Variants in STK40 observed in about 807,000 individuals in gnomAD.
The protein encoded by STK40 is serine/threonine kinase 40.
STK40 carries 13 observed loss-of-function variants against 47.9 expected under a neutral mutation model. That is an observed-to-expected ratio of 0.27 (90% CI 0.18 to 0.43). STK40 has a LOEUF of 0.43. STK40 is among the 20% of genes least tolerant of loss of function. STK40 has a pLI of 1.00. For synonymous variants in STK40, 225 were observed against 243.2 expected, an observed-to-expected ratio of 0.93 and a Z score of 0.69; for missense variants, 460 against 595.1, an observed-to-expected ratio of 0.77 and a Z score of 2.36.
intron 3 of STK40, 126 bp from the exon 4 acceptor site, chr1:36,358,508 C>T (rs2124736946): frequency 7.4e-7 from 1 of 1,349,206 alleles, no homozygotes; most frequent in Admixed American, 2.4e-5. Context: ...CACACAAACA[C>T]ACCAAGTGAA....
chr1:36,370,997 C>T (rs1646941284), intron 1 of STK40, among the ~76,000 whole-genome samples: 1 of 151,748 alleles, frequency 6.6e-6, no homozygotes, highest in South Asian at 2.1e-4. Context: ...ATGCCCCAGG[C>T]TCCTGAGTAG....
At chr1:36,344,095 C>T (rs750122460) in intron 8 of STK40, 25 bp downstream of exon 8, 39 of 1,585,874 alleles carry the variant, frequency 2.5e-5, no homozygotes, top group Non-Finnish European at 2.9e-5. Context: ...GCTGCCCCCC[C>T]CACCCCCCGG....
intron 5 of STK40, among the ~76,000 whole-genome samples, chr1:36,354,803 C>T (rs758762059): frequency 1.2e-4 from 18 of 152,112 alleles, no homozygotes; most frequent in African/African-American, 2.9e-4. Flanking sequence ...CCCACAGAAG[C>T]GGCACACCGG....
chr1:36,343,799 T>C, intron 9 of STK40, 61 bp downstream of exon 9: 1 of 1,516,484 alleles, frequency 6.6e-7, no homozygotes, highest in Non-Finnish European at 8.8e-7. Flanking sequence ...CTTTTCTGGG[T>C]AGGATGGGCA....
chr1:36,375,374 G>A (rs189639841), intron 1 of STK40, among the ~76,000 whole-genome samples: 97 of 152,154 alleles, frequency 6.4e-4, no homozygotes, highest in African/African-American at 2.2e-3. Context: ...GGGCATGGTG[G>A]TGGGTGCCTA....
At chr1:36,350,354 G>A (rs956974789) in intron 6 of STK40, among the ~76,000 whole-genome samples, 1 of 152,192 alleles carries the variant, frequency 6.6e-6, no homozygotes, top group Non-Finnish European at 1.5e-5. Context: ...CAGAGGCACT[G>A]TGGGTTTTCT....
intron 3 of STK40, 107 bp downstream of exon 3, chr1:36,358,630 C>A: frequency 7.8e-7 from 1 of 1,287,746 alleles, no homozygotes. Flanking sequence ...GAAGAAATGG[C>A]GCTACTCTTG....
intron 7 of STK40, 82 bp from the exon 8 acceptor site, chr1:36,344,346 C>A: frequency 6.7e-7 from 1 of 1,484,560 alleles, no homozygotes; most frequent in Middle Eastern, 2.3e-4. Context: ...CTGGGACCCT[C>A]CACCTGCCAC....
chr1:36,345,355 C>T (rs1646690381), intron 7 of STK40, among the ~76,000 whole-genome samples: 1 of 152,266 alleles, frequency 6.6e-6, no homozygotes, highest in South Asian at 2.1e-4. Flanking sequence ...AGTGCCATTA[C>T]AGGCCTCAGC....
At chr1:36,347,326 G>A (rs546022203) in intron 7 of STK40, among the ~76,000 whole-genome samples, 27 of 152,276 alleles carry the variant, frequency 1.8e-4, no homozygotes, top group South Asian at 8.3e-4. Context: ...TGTAAGCCCC[G>A]GTTCCCTAAA....
At position 36,341,983 on chromosome 1, in the gene STK40, G is replaced by A. The variant is rs756435731; in HGVS notation, c.1090-10C>T. ...CCTCCGTCACCTTCGCCTTTGAGGCGGGGAGGGTGGGAAGGAGACAAAGAT... is the reference window on the plus strand; with the variant it reads ...CCTCCGTCACCTTCGCCTTTGAGGCAGGGAGGGTGGGAAGGAGACAAAGAT... On this transcript the variant is annotated splice_polypyrimidine_tract_variant and intron_variant, in intron 10 of 10. Transcript: ENST00000373132. 29 of 1,606,064 alleles carry A rather than the reference G, an allele frequency of 1.8e-5. No individual in the cohort carries two copies. The highest frequency in any genetic ancestry group is 6.8e-5 in the Admixed American group (4 of 58,724).
rs757016125 is a variant in STK40, at chr1:36,343,984, G to A, written c.885-5C>T. 3.1e-6 allele frequency: 5 copies of A among 1,601,684 alleles called. No individual in the cohort carries two copies. The Admixed American group carries it at 8.5e-5, about 27-fold the overall frequency. On this transcript the variant is annotated splice_region_variant and splice_polypyrimidine_tract_variant and intron_variant, in intron 8 of 10. Coordinates refer to ENST00000373132, the MANE Select transcript of STK40 (RefSeq NM_001282547.2). ...TTCTCAGAAACCCGTCCATCCCTGA[G>A]GCAGGGAGTTGGGGAGGAGGGCTCA...
rs1023094782 is a variant in STK40 at position 36,344,323 on chromosome 1, C to G, written c.740-59G>C. On this transcript the variant is annotated intron_variant, in intron 7 of 10. Coordinates refer to ENST00000373132, the MANE Select transcript of STK40 (RefSeq NM_001282547.2). ...CCACAGCACCACCGTGGCTCACCAG[C>G]CTGGAATCCCACCTGGGACCCTCCA... 6 of 1,515,116 alleles carry G rather than the reference C, an allele frequency of 4.0e-6. No individual in the cohort carries two copies. In the Admixed American group the frequency reaches 1.2e-4, roughly 31 times the overall value. 93.9% of individuals were successfully genotyped at this position (1,515,116 alleles called of 1,614,324 possible).
chr1:36,351,661 C>A (rs565403777), intron 6 of STK40, among the ~76,000 whole-genome samples: 1 of 152,182 alleles, frequency 6.6e-6, no homozygotes, highest in African/African-American at 2.4e-5. Context: ...CTGAGGAGCA[C>A]GCACTCACAC....
At chr1:36,359,232 C>T (rs1020287200) in intron 2 of STK40, among the ~76,000 whole-genome samples, 2 of 151,962 alleles carry the variant, frequency 1.3e-5, no homozygotes, top group Non-Finnish European at 2.9e-5. Flanking sequence ...CACAGTGAGA[C>T]TTCTTCTCTA....
Position 36,343,955 on chromosome 1 carries a change from G to T in STK40, c.909C>A (p.Thr303=). ...CCAGCAGCTTCCGGATGAGACACAC[G>T]GTGTTCTCAGAAACCCGTCCATCCC... ...IPEDGRVSEN[T]VCLIRKLLVL... The change falls in exon 9 of 11, where the codon ACC becomes ACA. Residue 303 remains threonine, a synonymous_variant. Coordinates refer to ENST00000373132, the MANE Select transcript of STK40 (RefSeq NM_001282547.2). 1 of 1,606,768 alleles carries T rather than the reference G, an allele frequency of 6.2e-7. No individual in the cohort carries two copies. Among genetic ancestry groups the T allele is most frequent in the Non-Finnish European group, 8.5e-7 (1 of 1,174,766 alleles).
chr1:36,344,651 T>C (rs1440373879), intron 7 of STK40, among the ~76,000 whole-genome samples: 1 of 152,180 alleles, frequency 6.6e-6, no homozygotes, highest in African/African-American at 2.4e-5. Flanking sequence ...ACACCCCACC[T>C]GCCTCCTTCA....
chr1:36,341,799 A>G lies in STK40; in HGVS notation c.1264T>C (p.Ser422Pro). The stretch of plus-strand genomic sequence containing the variant: ...TGCGCCAGGATGGCCGTGTCCAAGG[A>G]GGTCATGGGCTGTGCGTCGTGGCCC... ...RLGHDAQPMT[S>P]LDTAILAQRY... Residue 422 changes from serine (S) to proline (P), a missense_variant, in exon 11 of 11, where the codon TCC becomes CCC. By Grantham distance (74) the Ser-to-Pro change is moderately conservative. Coordinates refer to ENST00000373132, the MANE Select transcript of STK40 (RefSeq NM_001282547.2). The G allele has an allele frequency of 6.2e-7, 1 of 1,612,924 alleles. No homozygotes were observed. The highest frequency in any genetic ancestry group is 8.5e-7 in the Non-Finnish European group (1 of 1,179,892).
At position 36,343,817 on chromosome 1, in the gene STK40, T is replaced by C. The variant is rs754501869; in HGVS notation, c.1004+43A>G. ...TTCTGGGTAGGATGGGCAGAGGCCCTGAGGACGCAGCCTTGTGCCCGGTCA... is the reference window on the plus strand; with the variant it reads ...TTCTGGGTAGGATGGGCAGAGGCCCCGAGGACGCAGCCTTGTGCCCGGTCA... On this transcript the variant is annotated intron_variant, in intron 9 of 10. Coordinates refer to ENST00000373132, the MANE Select transcript of STK40 (RefSeq NM_001282547.2). 9.8e-6 allele frequency: 15 copies of C among 1,535,212 alleles called. No homozygotes were observed. In the East Asian group the frequency reaches 3.4e-4, roughly 35 times the overall value.
Sources: allele counts gnomAD v4.1 joint callset (sites outside exome capture counted in the v4.1 genomes callset), GRCh38; gene constraint gnomAD v4.1.1; transcripts MANE v1.5; gene names NCBI Gene and HGNC (gene_info 2026-07-23, HGNC 2026-07-21).